The following PLCE1 variants were observed in gnomAD, a reference collection of about 807,000 sequenced individuals.
The protein encoded by PLCE1 is 1-phosphatidylinositol 4,5-bisphosphate phosphodiesterase epsilon-1.
In PLCE1, 119 loss-of-function variants were observed where a neutral mutation model predicts 242.8. The observed-to-expected ratio is 0.49, with a 90% confidence interval of 0.42 to 0.57. The LOEUF (loss-of-function observed/expected upper bound fraction) is 0.57. Among genes scored for constraint, PLCE1 ranks in the 20% least tolerant of loss-of-function variants. The pLI is 0.00. For missense variants in PLCE1, 2,441 were observed against 2,788.8 expected (o/e 0.88, Z 2.81); for synonymous variants, 945 against 1,017.4 (o/e 0.93, Z 1.35).
intron 2 of PLCE1, among the ~76,000 whole-genome samples, chr10:94,067,308 AGGTGGGCCCTGG>A (rs2044226825): frequency 6.6e-6 from 1 of 152,104 alleles, no homozygotes; most frequent in African/African-American, 2.4e-5. Context: ...GAGTTTTTGG[AGGTGGGCCCTGG>A]AATCTACATA....
chr10:94,224,682 A>G (rs2049879113), intron 4 of PLCE1, among the ~76,000 whole-genome samples: 1 of 152,192 alleles, frequency 6.6e-6, no homozygotes, highest in African/African-American at 2.4e-5. Flanking sequence ...ATGGTTTCCC[A>G]TTTTAGGATA....
chr10:94,279,689 A>T, intron 19 of PLCE1, 93 bp from the exon 20 acceptor site: 1 of 1,414,944 alleles, frequency 7.1e-7, no homozygotes, highest in Non-Finnish European at 1.0e-6. Context: ...AGCCACTTTT[A>T]ACGATTGTGT....
chr10:94,306,472 C>T lies in PLCE1; in HGVS notation c.5668C>T (p.Pro1890Ser). Residue 1890 changes from proline to serine, a missense_variant, in exon 26 of 33, where the codon CCG (proline) becomes TCG (serine). Around this residue, in one of 5 missense-constraint regions of PLCE1, gnomAD observed 1,004 missense variants for 1,322.7 expected, o/e 0.76. Coordinates refer to ENST00000371380, the MANE Select transcript of PLCE1 (RefSeq NM_016341.4). The surrounding 1 kb of genome is among the most constrained non-coding windows in gnomAD (Gnocchi z 5.7). ...GTGCCCCAGTAATAGCATGGGAAGC[C>T]CGTGCATTGAAGTCGACGTCCTGGG... ...NVCPSNSMGS[P>S]CIEVDVLGMP... 1 of 1,614,116 alleles carries T rather than the reference C, an allele frequency of 6.2e-7. No individual in the cohort carries two copies. The highest frequency in any genetic ancestry group is 8.5e-7 in the Non-Finnish European group (1 of 1,179,998).
chr10:94,012,578 G>A (rs79133106), intron 1 of PLCE1, among the ~76,000 whole-genome samples: 1 of 152,068 alleles, frequency 6.6e-6, no homozygotes, highest in South Asian at 2.1e-4. Flanking sequence ...ACCCTGGACG[G>A]TGCAGCTTCC....
intron 3 of PLCE1, among the ~76,000 whole-genome samples, chr10:94,170,573 T>C (rs915961618): frequency 1.3e-5 from 2 of 152,226 alleles, no homozygotes; most frequent in Non-Finnish European, 2.9e-5. Flanking sequence ...TTATTACCTA[T>C]TCCTTTCTTA....
intron 2 of PLCE1, among the ~76,000 whole-genome samples, chr10:94,111,561 G>A (rs926936004): frequency 6.6e-6 from 1 of 152,188 alleles, no homozygotes; most frequent in Non-Finnish European, 1.5e-5. Context: ...ATAAGGAGTT[G>A]GAAGAGTGGG....
At chr10:94,056,925 G>A (rs1033192905) in intron 2 of PLCE1, among the ~76,000 whole-genome samples, 7 of 151,820 alleles carry the variant, frequency 4.6e-5, no homozygotes, top group Admixed American at 4.6e-4. Context: ...TGTGACGGGC[G>A]TTTTTCACTT....
chr10:94,118,202 A>AT (rs1047308416), intron 2 of PLCE1, among the ~76,000 whole-genome samples: 132 of 151,874 alleles, frequency 8.7e-4, no homozygotes, highest in Non-Finnish European at 1.3e-3. Flanking sequence ...TAACTTTAGC[A>AT]TTTTTTTTCT....
chr10:94,296,206 C>T (rs1304014302), intron 23 of PLCE1, among the ~76,000 whole-genome samples: 1 of 147,518 alleles, frequency 6.8e-6, no homozygotes, highest in African/African-American at 2.5e-5. Flanking sequence ...ACTAAAAATA[C>T]AAAAAAAAAA....
At chr10:94,249,522 ATTTTT>A (rs1316972096) in intron 8 of PLCE1, among the ~76,000 whole-genome samples, 1 of 152,120 alleles carries the variant, frequency 6.6e-6, no homozygotes, top group Non-Finnish European at 1.5e-5. Context: ...CTATAAGAGG[ATTTTT>A]TAATCCCTAG....
chr10:94,216,897 C>T (rs1046826381), intron 4 of PLCE1, among the ~76,000 whole-genome samples: 1 of 151,820 alleles, frequency 6.6e-6, no homozygotes. Flanking sequence ...CCCAGTAGAT[C>T]AGGGTGGCTG....
At chr10:94,124,512 G>A (rs1387642088) in intron 2 of PLCE1, among the ~76,000 whole-genome samples, 9 of 152,118 alleles carry the variant, frequency 5.9e-5, no homozygotes, top group Non-Finnish European at 2.9e-5. Context: ...TAAGAAAACT[G>A]GGGCAAAGAG....
chr10:94,205,729 G>T (rs2049137669), intron 4 of PLCE1, among the ~76,000 whole-genome samples: 1 of 152,216 alleles, frequency 6.6e-6, no homozygotes, highest in Admixed American at 6.5e-5. Flanking sequence ...CGGTTCATCT[G>T]TTCATCTGTC....
At chr10:94,008,686 A>G (rs919240698) in intron 1 of PLCE1, among the ~76,000 whole-genome samples, 3 of 152,162 alleles carry the variant, frequency 2.0e-5, no homozygotes, top group African/African-American at 7.2e-5. Context: ...TGTCCATCCT[A>G]CAGGAATTTG....
chr10:94,141,562 GGGAAGGC>G (rs2046960527), intron 3 of PLCE1, among the ~76,000 whole-genome samples: 1 of 137,130 alleles, frequency 7.3e-6, no homozygotes, highest in Admixed American at 7.2e-5. Flanking sequence ...GGAAGGTGAA[GGGAAGGC>G]TAAGGGAAGG....
intron 4 of PLCE1, among the ~76,000 whole-genome samples, chr10:94,185,376 A>G (rs889476361): frequency 1.3e-5 from 2 of 152,184 alleles, no homozygotes; most frequent in African/African-American, 4.8e-5. Context: ...TGTGCCTGTA[A>G]TCCCAGCTAC....
At chr10:94,066,920 C>T (rs1018410491) in intron 2 of PLCE1, among the ~76,000 whole-genome samples, 25 of 152,224 alleles carry the variant, frequency 1.6e-4, no homozygotes, top group Admixed American at 9.2e-4. Context: ...GCTATTCGCA[C>T]GTTTGCCTTC....
chr10:94,164,049 G>A (rs1483287955), intron 3 of PLCE1, among the ~76,000 whole-genome samples: 2 of 152,096 alleles, frequency 1.3e-5, no homozygotes, highest in African/African-American at 4.8e-5. Flanking sequence ...TTCCCTTTGT[G>A]GGTAACCCGA....
intron 2 of PLCE1, among the ~76,000 whole-genome samples, chr10:94,088,377 C>A (rs1463093506): frequency 6.6e-6 from 1 of 152,196 alleles, no homozygotes; most frequent in Non-Finnish European, 1.5e-5. Flanking sequence ...TGCAATGAAG[C>A]CTTACCAGGT....
Sources: allele counts gnomAD v4.1 joint callset (sites outside exome capture counted in the v4.1 genomes callset), GRCh38; gene constraint gnomAD v4.1.1; regional missense constraint gnomAD v4.1.1; non-coding constraint Gnocchi (gnomAD v3.1); transcripts MANE v1.5; gene names NCBI Gene and HGNC (gene_info 2026-07-23, HGNC 2026-07-21).